The following L3MBTL4 variants were observed in gnomAD, a reference collection of about 807,000 sequenced individuals.
L3MBTL4 encodes lethal(3)malignant brain tumor-like protein 4.
A neutral mutation model predicts 84.5 loss-of-function variants in L3MBTL4; 70 were observed. The observed-to-expected ratio is 0.83, with a 90% CI of 0.68 to 1.01. The LOEUF (loss-of-function observed/expected upper bound fraction) is 1.01, where lower values mean the gene tolerates loss of function less well. Among genes scored for constraint, L3MBTL4 ranks in the 50% least tolerant of loss-of-function variants. The pLI, the probability that L3MBTL4 is intolerant of heterozygous loss-of-function variation, is 0.00. For missense variants in L3MBTL4, 715 were observed against 754.8 expected (o/e 0.95, Z 0.62); for synonymous variants, 274 against 259.8 (o/e 1.05, Z -0.52).
At chr18:6,249,514 T>C (rs530814024) in intron 5 of L3MBTL4, among the ~76,000 whole-genome samples, 1 of 152,322 alleles carries the variant, frequency 6.6e-6, no homozygotes, top group East Asian at 1.9e-4. Context: ...CTTTCCATAA[T>C]GTTGCAAGTA....
intron 14 of L3MBTL4, among the ~76,000 whole-genome samples, chr18:6,097,989 C>T (rs1369830027): frequency 1.3e-5 from 2 of 152,170 alleles, no homozygotes; most frequent in Non-Finnish European, 2.9e-5. Context: ...CAATTGGGAT[C>T]CCTCCCTTCC....
chr18:6,403,161 G>A lies in L3MBTL4; in HGVS notation c.-91+11640C>T, dbSNP rs117868768. ...GGAGCAACCCACTTGACATTTATGCGTATGAAAAACCTATTTATGCTTCTC... is the reference window on the plus strand; with the variant it reads ...GGAGCAACCCACTTGACATTTATGCATATGAAAAACCTATTTATGCTTCTC... On this transcript the variant is annotated intron_variant, in intron 1 of 18. Transcript: ENST00000317931. 3.0e-4 allele frequency among the ~76,000 whole-genome samples: 45 copies of A among 152,280 alleles called. No individual in the cohort carries two copies. In the East Asian group the frequency reaches 4.0e-3, roughly 14 times the overall value.
intron 13 of L3MBTL4, among the ~76,000 whole-genome samples, chr18:6,170,299 T>G (rs376920273): frequency 6.6e-6 from 1 of 152,140 alleles, no homozygotes; most frequent in African/African-American, 2.4e-5. Flanking sequence ...CTGAGAAGCA[T>G]CCGTAACTAT....
intron 16 of L3MBTL4, among the ~76,000 whole-genome samples, chr18:6,008,708 A>G (rs887254701): frequency 3.9e-5 from 6 of 152,214 alleles, no homozygotes; most frequent in African/African-American, 1.4e-4. Flanking sequence ...ATTTGGGAAA[A>G]CAGAAACATT....
At chr18:6,182,565 T>G (rs1025466353) in intron 12 of L3MBTL4, among the ~76,000 whole-genome samples, 9 of 152,230 alleles carry the variant, frequency 5.9e-5, no homozygotes, top group Admixed American at 2.6e-4. Flanking sequence ...TTGTCAATTT[T>G]TATTTTTGTT....
intron 12 of L3MBTL4, among the ~76,000 whole-genome samples, chr18:6,187,727 A>G (rs891532646): frequency 1.3e-5 from 2 of 152,192 alleles, no homozygotes; most frequent in African/African-American, 4.8e-5. Flanking sequence ...CCAGTGAATG[A>G]CTTTCAAGCA....
At chr18:6,175,705 A>G (rs2044197595) in intron 12 of L3MBTL4, among the ~76,000 whole-genome samples, 1 of 152,242 alleles carries the variant, frequency 6.6e-6, no homozygotes, top group African/African-American at 2.4e-5. Flanking sequence ...AAAGGCATCT[A>G]TGAAACACAG....
intron 1 of L3MBTL4, among the ~76,000 whole-genome samples, chr18:6,372,126 TCTTTCCTC>T (rs1290993447): frequency 1.3e-5 from 2 of 152,202 alleles, no homozygotes; most frequent in African/African-American, 2.4e-5. Context: ...TGAGTTAACT[TCTTTCCTC>T]CTTTCTCCAC....
chr18:5,997,356 C>A (rs1472427687), intron 16 of L3MBTL4, among the ~76,000 whole-genome samples: 2 of 142,060 alleles, frequency 1.4e-5, no homozygotes, highest in East Asian at 1.9e-4. Context: ...TCACAATTTG[C>A]CCATCAGGAA....
At chr18:6,302,688 C>T (rs1049361197) in intron 3 of L3MBTL4, among the ~76,000 whole-genome samples, 2 of 152,160 alleles carry the variant, frequency 1.3e-5, no homozygotes, top group African/African-American at 4.8e-5. Flanking sequence ...TGTATTCCAC[C>T]TATTAAAAAT....
chr18:6,236,532 A>T (rs1276845793), intron 10 of L3MBTL4, among the ~76,000 whole-genome samples: 1 of 152,218 alleles, frequency 6.6e-6, no homozygotes, highest in East Asian at 1.9e-4. Flanking sequence ...GCAGAGAAGA[A>T]GATATTTCAC....
chr18:6,224,953 A>C (rs947222271), intron 10 of L3MBTL4, among the ~76,000 whole-genome samples: 2 of 152,202 alleles, frequency 1.3e-5, no homozygotes, highest in Non-Finnish European at 2.9e-5. Context: ...AGGAAAACAT[A>C]AAGTGAGGAA....
intron 14 of L3MBTL4, among the ~76,000 whole-genome samples, chr18:6,115,951 AT>A (rs2059345771): frequency 6.6e-6 from 1 of 152,164 alleles, no homozygotes; most frequent in African/African-American, 2.4e-5. Flanking sequence ...AGTGTGAGGA[AT>A]TTCTGCATGG....
intron 1 of L3MBTL4, among the ~76,000 whole-genome samples, chr18:6,363,575 G>A (rs2053805934): frequency 6.6e-6 from 1 of 152,172 alleles, no homozygotes; most frequent in Non-Finnish European, 1.5e-5. Flanking sequence ...CAGCTAACTT[G>A]CTGAGGGCTT....
chr18:6,351,873 A>G (rs184126704), intron 1 of L3MBTL4, among the ~76,000 whole-genome samples: 1 of 151,794 alleles, frequency 6.6e-6, no homozygotes, highest in East Asian at 1.9e-4. Flanking sequence ...TTTTTAAGAG[A>G]CAGGGTCTCA....
intron 16 of L3MBTL4, among the ~76,000 whole-genome samples, chr18:6,042,819 CT>C (rs1463656629): frequency 6.6e-6 from 1 of 152,190 alleles, no homozygotes; most frequent in African/African-American, 2.4e-5. Context: ...TGCACACTAT[CT>C]GCAAATGTTA....
At chr18:6,192,404 T>C (rs1197045621) in intron 12 of L3MBTL4, among the ~76,000 whole-genome samples, 2 of 151,834 alleles carry the variant, frequency 1.3e-5, no homozygotes, top group Non-Finnish European at 2.9e-5. Flanking sequence ...TCATTAGAAA[T>C]GTGGAAGGTT....
At chr18:5,988,287 T>C (rs2053548516) in intron 16 of L3MBTL4, among the ~76,000 whole-genome samples, 1 of 152,232 alleles carries the variant, frequency 6.6e-6, no homozygotes, top group African/African-American at 2.4e-5. Context: ...ACAATTATTC[T>C]AAGCTAATTA....
intron 14 of L3MBTL4, among the ~76,000 whole-genome samples, chr18:6,107,147 A>G (rs7234805): frequency 0.12 from 19,024 of 152,192 alleles, 1,607 homozygotes; most frequent in African/African-American, 0.25. Context: ...ATATAATATA[A>G]AGAAGTTAAG....
Sources: allele counts gnomAD v4.1 joint callset (sites outside exome capture counted in the v4.1 genomes callset), GRCh38; gene constraint gnomAD v4.1.1; transcripts MANE v1.5; gene names NCBI Gene and HGNC (gene_info 2026-07-23, HGNC 2026-07-21).